The following RGS3 variants were observed in gnomAD, a reference collection of about 807,000 sequenced individuals.
RGS3 encodes regulator of G protein signaling 3, also known as regulator of G-protein signalling 3.
A neutral mutation model predicts 132.6 loss-of-function variants in RGS3; 80 were observed. The observed-to-expected ratio is 0.60, with a 90% CI of 0.50 to 0.73. RGS3 has a LOEUF of 0.73. Ranked by LOEUF, RGS3 falls within the 30% of genes least tolerant of loss-of-function variation. The pLI is 0.00. For synonymous variants in RGS3, 598 were observed against 620.6 expected, an observed-to-expected ratio of 0.96 and a Z score of 0.54; for missense variants, 1,382 against 1,530.8, an observed-to-expected ratio of 0.90 and a Z score of 1.62.
At chr9:113,526,728 C>T (rs948748518) in intron 17 of RGS3, among the ~76,000 whole-genome samples, 7 of 152,172 alleles carry the variant, frequency 4.6e-5, no homozygotes, top group South Asian at 2.1e-4. Context: ...CCACCCAGCC[C>T]GTGATTGGGG....
intron 3 of RGS3, among the ~76,000 whole-genome samples, chr9:113,475,670 A>C (rs557738960): frequency 6.6e-6 from 1 of 152,258 alleles, no homozygotes; most frequent in Admixed American, 6.5e-5. Flanking sequence ...TCAGCCTCCC[A>C]AAGTGCTGGG....
At chr9:113,464,750 A>T (rs981683772) in intron 3 of RGS3, among the ~76,000 whole-genome samples, 2 of 152,192 alleles carry the variant, frequency 1.3e-5, no homozygotes, top group African/African-American at 4.8e-5. Flanking sequence ...TTGAACTTGC[A>T]TACAATTTCC....
chr9:113,461,611 G>GGC, intron 1 of RGS3: 1 of 1,242,622 alleles, frequency 8.0e-7, no homozygotes, highest in Non-Finnish European at 1.1e-6. Context: ...TGCAGAGTGG[G>GGC]GCAGGAGTCA....
At chr9:113,536,810 A>G (rs1412313174) in exon 19 of RGS3, 9 of 1,614,094 alleles carry the variant, frequency 5.6e-6, no homozygotes, top group Non-Finnish European at 5.9e-6. Flanking sequence ...CAGAGTGCTT[A>G]TTCACTTTGG....
At chr9:113,462,714 C>T (rs1173921257) in intron 3 of RGS3, among the ~76,000 whole-genome samples, 2 of 152,226 alleles carry the variant, frequency 1.3e-5, no homozygotes, top group Non-Finnish European at 2.9e-5. Context: ...TTGCCCAGCT[C>T]AGCTCAGCCT....
intron 3 of RGS3, among the ~76,000 whole-genome samples, chr9:113,465,483 C>T: frequency 1.3e-5 from 1 of 79,630 alleles, no homozygotes; most frequent in East Asian, 5.9e-4. Flanking sequence ...GTGTGTGTGC[C>T]TGTGTGTATT....
intron 17 of RGS3, 86 bp from the exon 16 acceptor site, chr9:113,529,135 G>T: frequency 1.9e-6 from 2 of 1,043,382 alleles, no homozygotes. Context: ...ACAGCCTTCT[G>T]GGCAAGACAG....
intron 19 of RGS3, among the ~76,000 whole-genome samples, chr9:113,540,186 A>G (rs1212991399): frequency 6.6e-6 from 1 of 151,750 alleles, no homozygotes; most frequent in Non-Finnish European, 1.5e-5. Context: ...CTGCCTGGGA[A>G]TCCTTGTACT....
intron 22 of RGS3, among the ~76,000 whole-genome samples, 175 bp from the exon 21 acceptor site, chr9:113,594,744 G>A (rs1450492926): frequency 6.6e-6 from 1 of 152,118 alleles, no homozygotes. Flanking sequence ...GTGGAGATGG[G>A]GGCTGGAAGG....
At chr9:113,563,125 G>GCTAT (rs1193466010) in intron 19 of RGS3, among the ~76,000 whole-genome samples, 1 of 152,254 alleles carries the variant, frequency 6.6e-6, no homozygotes, top group Non-Finnish European at 1.5e-5. Context: ...TCCTCACCAT[G>GCTAT]CTATGGTCCA....
intron 7 of RGS3, among the ~76,000 whole-genome samples, chr9:113,489,715 A>G (rs540741542): frequency 6.7e-6 from 1 of 148,724 alleles, no homozygotes; most frequent in Non-Finnish European, 1.5e-5. Context: ...TTTTTTGTAG[A>G]GACGATGCCT....
intron 19 of RGS3, chr9:113,580,950 G>A: frequency 1.0e-6 from 1 of 981,178 alleles, no homozygotes; most frequent in Non-Finnish European, 1.2e-6. Context: ...TCCGTGCCAG[G>A]CCCTGAGGGC....
intron 19 of RGS3, among the ~76,000 whole-genome samples, chr9:113,538,038 A>G (rs1392204683): frequency 2.0e-5 from 3 of 152,224 alleles, no homozygotes; most frequent in Non-Finnish European, 4.4e-5. Flanking sequence ...TCTACCACCA[A>G]CTGGCAGTGG....
intron 3 of RGS3, among the ~76,000 whole-genome samples, chr9:113,464,309 T>G (rs1388020906): frequency 6.6e-6 from 1 of 152,232 alleles, no homozygotes; most frequent in African/African-American, 2.4e-5. Flanking sequence ...CCCTGCTGCC[T>G]TGTGGGGAGG....
At position 113,463,871 on chromosome 9, in the gene RGS3, C is replaced by T. The variant is rs1240308483; in HGVS notation, c.415+1670C>T. On this transcript the variant is annotated intron_variant, in intron 3 of 24. Coordinates refer to ENST00000350696, the Ensembl canonical transcript of RGS3. This position sits in a 1 kb window ranked among gnomAD's most constrained non-coding sequence, Gnocchi z 4.6. ...CCCACCCGGACTTGTCCTTCTACCT[C>T]ACCACCTTTGGTAAGTGCCCGCTGG... 5 of 1,613,188 alleles carry T rather than the reference C, an allele frequency of 3.1e-6. No individual in the cohort carries two copies. The Admixed American group carries it at 8.3e-5, about 27-fold the overall frequency.
intron 18 of RGS3, among the ~76,000 whole-genome samples, chr9:113,533,894 AG>A (rs1832573866): frequency 6.6e-6 from 1 of 152,234 alleles, no homozygotes; most frequent in African/African-American, 2.4e-5. Context: ...CATGGGCTAG[AG>A]GACTCTGGGC....
At chr9:113,561,809 A>C (rs1343548939) in intron 19 of RGS3, among the ~76,000 whole-genome samples, 1 of 152,166 alleles carries the variant, frequency 6.6e-6, no homozygotes, top group Non-Finnish European at 1.5e-5. Context: ...GCTGTAGGGG[A>C]GCAGCCTGTC....
rs944185036 is a variant in RGS3, at chr9:113,505,476, T to C, written c.932T>C (p.Phe311Ser). 9 of 1,614,026 alleles carry C rather than the reference T, an allele frequency of 5.6e-6. No individual in the cohort carries two copies. The Admixed American group carries it at 8.3e-5, about 15-fold the overall frequency. ...CCGAGGGGAAAGGACGGCTTTGGCT[T>C]CACCATCTGCTGCGACTCTCCAGTT... The change falls in exon 11 of 25, where the codon TTC (phenylalanine) becomes TCC (serine). Residue 311 changes from phenylalanine (F) to serine (S), a missense_variant. By Grantham distance (155) the Phe-to-Ser change is radical (BLOSUM62 -2). Coordinates refer to ENST00000350696, the Ensembl canonical transcript of RGS3.
Position 113,448,984 on chromosome 9 carries a change from G to C in RGS3, c.-13+4057G>C, listed in dbSNP as rs116531319. The stretch of plus-strand genomic sequence containing the variant: ...GTTTGGGGAGCAGGCAAGGAGCATA[G>C]TGTTCCTATCTCAGAAGAGTAGGAG... On this transcript the variant is annotated intron_variant, in intron 1 of 25. Transcript: ENST00000374140. Among the ~76,000 whole-genome samples the C allele has an allele frequency of 8.8e-3, 1,339 of 152,308 alleles. 20 individuals are homozygous for C. The highest frequency in any genetic ancestry group is 0.031 in the African/African-American group (1,276 of 41,562).
Sources: allele counts gnomAD v4.1 joint callset (sites outside exome capture counted in the v4.1 genomes callset), GRCh38; gene constraint gnomAD v4.1.1; non-coding constraint Gnocchi (gnomAD v3.1); transcripts MANE v1.5; gene names NCBI Gene and HGNC (gene_info 2026-07-23, HGNC 2026-07-21).